ASIC2: variants seen among roughly 807,000 people sequenced by gnomAD.
The protein encoded by ASIC2 is acid sensing ion channel subunit 2.
A neutral mutation model predicts 57.3 loss-of-function variants in ASIC2; 25 were observed. That is an observed-to-expected ratio of 0.44 (90% CI 0.32 to 0.61). The LOEUF is 0.61. ASIC2 is among the 20% of genes least tolerant of loss of function. The probability of loss-of-function intolerance (pLI) is 0.06; values close to 1 mark genes in which losing one functional copy is unlikely to be tolerated. For synonymous variants in ASIC2, 319 were observed against 307.5 expected, an observed-to-expected ratio of 1.04 and a Z score of -0.39; for missense variants, 641 against 738.1, an observed-to-expected ratio of 0.87 and a Z score of 1.52.
intron 1 of ASIC2, among the ~76,000 whole-genome samples, chr17:34,112,216 A>C (rs1911298067): frequency 6.6e-6 from 1 of 152,088 alleles, no homozygotes; most frequent in Non-Finnish European, 1.5e-5. Context: ...ACTTCCCTAT[A>C]ATCTCTGAGC....
At position 33,618,117 on chromosome 17, in the gene ASIC2, C is replaced by T. The variant is rs1905665161; in HGVS notation, c.556-506050G>A. On this transcript the variant is annotated intron_variant, in intron 1 of 9. Transcript: ENST00000359872. ...ACCTAGTTATGGACAACCTAGTTAT[C>T]CATCCCCAGGAATTCAAGCCACTGT... is the stretch of plus-strand genomic sequence containing the variant. 2.0e-5 allele frequency among the ~76,000 whole-genome samples: 3 copies of T among 152,042 alleles called. No homozygotes were observed. In the South Asian group the frequency reaches 6.2e-4, roughly 32 times the overall value.
intron 1 of ASIC2, among the ~76,000 whole-genome samples, chr17:33,369,023 G>A (rs149674652): frequency 1.3e-5 from 2 of 152,292 alleles, no homozygotes; most frequent in East Asian, 3.9e-4. Flanking sequence ...AAAGCAAGAT[G>A]GAGTGAACAT....
At chr17:33,765,018 TCTTCTCCTA>T (rs139509981) in intron 1 of ASIC2, among the ~76,000 whole-genome samples, 7,260 of 152,282 alleles carry the variant, frequency 0.048, 541 homozygotes, top group African/African-American at 0.16. Flanking sequence ...GCACCCTTGC[TCTTCTCCTA>T]GATAGTCTTT....
At chr17:33,665,429 C>T (rs775185546) in intron 1 of ASIC2, among the ~76,000 whole-genome samples, 24 of 152,056 alleles carry the variant, frequency 1.6e-4, no homozygotes, top group Non-Finnish European at 2.8e-4. Flanking sequence ...GTAGGAATGG[C>T]GTACCCATGT....
chr17:33,492,612 A>C (rs941418538), intron 1 of ASIC2, among the ~76,000 whole-genome samples: 1 of 152,170 alleles, frequency 6.6e-6, no homozygotes, highest in Non-Finnish European at 1.5e-5. Flanking sequence ...TGCCCCATTT[A>C]AAACAGTTGG....
chr17:34,150,353 T>C (rs1302638677), intron 1 of ASIC2, among the ~76,000 whole-genome samples: 1 of 152,146 alleles, frequency 6.6e-6, no homozygotes, highest in African/African-American at 2.4e-5. Context: ...TAACAATATA[T>C]TGAACAACTG....
At chr17:33,192,375 C>T (rs1313983198) in intron 1 of ASIC2, among the ~76,000 whole-genome samples, 1 of 151,290 alleles carries the variant, frequency 6.6e-6, no homozygotes, top group Non-Finnish European at 1.5e-5. Context: ...AAGAGCAAAA[C>T]TCAGTCTCAA....
intron 7 of ASIC2, among the ~76,000 whole-genome samples, 156 bp from the exon 8 acceptor site, chr17:33,017,840 C>T (rs1178963903): frequency 2.0e-5 from 3 of 152,230 alleles, no homozygotes; most frequent in South Asian, 4.1e-4. Context: ...AGTTCCTTCC[C>T]TCACGGCACA....
At chr17:33,018,657 C>T (rs1356329920) in intron 7 of ASIC2, among the ~76,000 whole-genome samples, 1 of 152,206 alleles carries the variant, frequency 6.6e-6, no homozygotes, top group Non-Finnish European at 1.5e-5. Flanking sequence ...GAGTGGCCAC[C>T]AGCTGGTTGT....
intron 1 of ASIC2, among the ~76,000 whole-genome samples, chr17:33,118,153 C>T (rs538532447): frequency 5.1e-4 from 77 of 152,278 alleles, no homozygotes; most frequent in African/African-American, 1.8e-3. Flanking sequence ...CAGTGGATAC[C>T]ACCAATCTGA....
At chr17:33,112,428 CAG>C (rs927409455) in intron 1 of ASIC2, among the ~76,000 whole-genome samples, 9 of 152,268 alleles carry the variant, frequency 5.9e-5, no homozygotes, top group African/African-American at 1.9e-4. Flanking sequence ...TTCTGGCCTC[CAG>C]ACACACTAGT....
At position 33,553,943 on chromosome 17, in the gene ASIC2, T is replaced by A. The variant is rs933865807; in HGVS notation, c.556-441876A>T. 7.9e-5 allele frequency among the ~76,000 whole-genome samples: 12 copies of A among 152,162 alleles called. 1 individual carries two copies. Among genetic ancestry groups the A allele is most frequent in the Non-Finnish European group, 1.8e-4 (12 of 68,018 alleles). ...CTGCATGAGGCAGGTAGACGTTGAATCTGAGTCCTTCGTTTTTTCCCCTGC... is the reference window on the plus strand; with the variant it reads ...CTGCATGAGGCAGGTAGACGTTGAAACTGAGTCCTTCGTTTTTTCCCCTGC... On this transcript the variant is annotated intron_variant, in intron 1 of 9. Transcript: ENST00000359872.
In ASIC2 at chr17:33,214,491, C is replaced by T. The variant is rs140502693; in HGVS notation, c.708+76917G>A. Among the ~76,000 whole-genome samples, 604 of 152,332 alleles carry T rather than the reference C, an allele frequency of 4.0e-3. 2 individuals carry two copies. The highest frequency in any genetic ancestry group is 8.6e-3 in the Admixed American group (131 of 15,312). ...TATATTAGAGCTCCCTGGCACCAGG[C>T]TCCTAAATCTATCCCTTTATCCTTC... is the stretch of plus-strand genomic sequence containing the variant. On this transcript the variant is annotated intron_variant, in intron 1 of 9. Coordinates refer to ENST00000225823, the MANE Select transcript of ASIC2 (RefSeq NM_183377.2).
intron 1 of ASIC2, among the ~76,000 whole-genome samples, chr17:33,546,923 GCTTT>G (rs1915595594): frequency 1.3e-5 from 2 of 152,122 alleles, no homozygotes; most frequent in Non-Finnish European, 2.9e-5. Context: ...TGGGGTCAAG[GCTTT>G]TAATTTGCAA....
intron 1 of ASIC2, among the ~76,000 whole-genome samples, chr17:34,148,614 T>A (rs1014340853): frequency 6.6e-6 from 1 of 152,128 alleles, no homozygotes; most frequent in Non-Finnish European, 1.5e-5. Context: ...TTGCGAGAAG[T>A]GGATGGTTTT....
chr17:33,319,100 CA>C (rs1448243047), intron 1 of ASIC2, among the ~76,000 whole-genome samples: 1 of 152,194 alleles, frequency 6.6e-6, no homozygotes, highest in Admixed American at 6.5e-5. Flanking sequence ...TGTGGTGGCA[CA>C]TGCCTGTAGT....
At chr17:33,177,006 A>G (rs1167593885) in intron 1 of ASIC2, among the ~76,000 whole-genome samples, 1 of 152,244 alleles carries the variant, frequency 6.6e-6, no homozygotes, top group Non-Finnish European at 1.5e-5. Context: ...TTTGTTCCAT[A>G]TCCAAGGCAT....
At chr17:34,068,073 G>A (rs1295078195) in intron 1 of ASIC2, among the ~76,000 whole-genome samples, 1 of 152,168 alleles carries the variant, frequency 6.6e-6, no homozygotes, top group Non-Finnish European at 1.5e-5. Context: ...TCAAAAGGCA[G>A]ACCAAGAAGT....
At chr17:33,098,227 G>T (rs1411001080) in intron 2 of ASIC2, among the ~76,000 whole-genome samples, 2 of 152,068 alleles carry the variant, frequency 1.3e-5, no homozygotes, top group Non-Finnish European at 2.9e-5. Flanking sequence ...AAAAAAAATA[G>T]ATGTGGCTGT....
Sources: allele counts gnomAD v4.1 joint callset (sites outside exome capture counted in the v4.1 genomes callset), GRCh38; gene constraint gnomAD v4.1.1; transcripts MANE v1.5; gene names NCBI Gene and HGNC (gene_info 2026-07-23, HGNC 2026-07-21).